The following DIPK2A variants were observed in gnomAD, a reference collection of about 807,000 sequenced individuals.
DIPK2A encodes the protein Golgi Protein of 49 kDa.
DIPK2A carries 27 observed loss-of-function variants against 39.0 expected under a neutral mutation model. That is an observed-to-expected ratio of 0.69 (90% CI 0.51 to 0.96). The LOEUF is 0.96. Among genes scored for constraint, DIPK2A ranks in the 40% least tolerant of loss-of-function variants. The pLI is 0.00. For missense variants in DIPK2A, 528 were observed against 571.3 expected, an observed-to-expected ratio of 0.92 and a Z score of 0.77; for synonymous variants, 298 against 240.8, an observed-to-expected ratio of 1.24 and a Z score of -2.20.
chr3:143,975,530 A>G (rs899797864), intron 1 of DIPK2A, among the ~76,000 whole-genome samples: 1 of 152,110 alleles, frequency 6.6e-6, no homozygotes, highest in Non-Finnish European at 1.5e-5. Context: ...GCTGTACAGT[A>G]AGTCAAACCA....
Position 143,972,433 on chromosome 3 carries a change from C to G in DIPK2A, c.101C>G (p.Ser34Trp), listed in dbSNP as rs1241525570. ...LLVLMVLHSPSLLASWQRNEL... is the reference protein window; with the variant it reads ...LLVLMVLHSPWLLASWQRNEL... ...GTGCTGATGGTGCTGCACTCGCCGT[C>G]GCTGCTCGCCTCTTGGCAGCGCAAC... The change falls in exon 1 of 3, where the codon TCG (serine) becomes TGG (tryptophan). Residue 34 changes from serine to tryptophan, a missense_variant. This residue lies in a region of DIPK2A where 309 missense variants were observed against 289.8 expected (regional missense o/e 1.07). Transcript: ENST00000315691. 3.8e-6 allele frequency: 6 copies of G among 1,577,510 alleles called. No individual in the cohort carries two copies. In the South Asian group the frequency reaches 5.8e-5, roughly 15 times the overall value.
Position 143,972,401 on chromosome 3 carries a change from C to T in DIPK2A, c.69C>T (p.Ser23=). The change falls in exon 1 of 3, where the codon AGC becomes AGT. Residue 23 remains serine, a synonymous_variant. Transcript: ENST00000315691. The stretch of plus-strand genomic sequence containing the variant: ...CGCTGAAGCTGGCGGCGCTGGGCAG[C>T]CTGTTGGTGCTGATGGTGCTGCACT... The part of the protein sequence containing the change: ...SRSLKLAALG[S]LLVLMVLHSP... The T allele has an allele frequency of 2.7e-6, 4 of 1,477,128 alleles. No individual in the cohort carries two copies. The highest frequency in any genetic ancestry group is 3.6e-6 in the Non-Finnish European group (4 of 1,110,804). 91.5% of individuals were successfully genotyped at this position (1,477,128 alleles called of 1,614,324 possible).
chr3:143,988,358 TCAA>T (rs776708199), intron 2 of DIPK2A, among the ~76,000 whole-genome samples: 6 of 152,100 alleles, frequency 3.9e-5, no homozygotes, highest in Non-Finnish European at 5.9e-5. Context: ...CCTTGGCCTC[TCAA>T]AGTGCTGGGA....
chr3:143,989,663 C>T lies in DIPK2A; in HGVS notation c.1115C>T (p.Ala372Val), dbSNP rs1274652022. 4.3e-6 allele frequency: 7 copies of T among 1,614,090 alleles called. No homozygotes were observed. The highest frequency in any genetic ancestry group is 5.9e-6 in the Non-Finnish European group (7 of 1,180,046). The change falls in exon 3 of 3, where the codon GCC (alanine) becomes GTC (valine). Residue 372 changes from alanine (A) to valine (V), a missense_variant. This residue lies in a region of DIPK2A where 219 missense variants were observed against 281.5 expected (regional missense o/e 0.78). Coordinates refer to ENST00000315691, the MANE Select transcript of DIPK2A (RefSeq NM_173552.5). ...TGTCAGAACCTCTTATCCAGACATG[C>T]CACCTGGCGTGGCACTTCTGGAGGA... ...AVCQNLLSRH[A>V]TWRGTSGGLL...
Position 143,972,404 on chromosome 3 carries a change from G to T in DIPK2A, c.72G>T (p.Leu24=). 1 of 1,500,068 alleles carries T rather than the reference G, an allele frequency of 6.7e-7. No homozygotes were observed. Among genetic ancestry groups the T allele is most frequent in the Admixed American group, 2.1e-5 (1 of 46,720 alleles). 92.9% of individuals were successfully genotyped at this position (1,500,068 alleles called of 1,614,324 possible). A position where few individuals can be genotyped will look rare whatever the true frequency, so the allele number is the denominator to read the frequency against. Residue 24 remains leucine (L), a synonymous_variant, in exon 1 of 3, where the codon CTG becomes CTT. Coordinates refer to ENST00000315691, the MANE Select transcript of DIPK2A (RefSeq NM_173552.5). The stretch of plus-strand genomic sequence containing the variant: ...TGAAGCTGGCGGCGCTGGGCAGCCT[G>T]TTGGTGCTGATGGTGCTGCACTCGC... ...RSLKLAALGS[L]LVLMVLHSPS...
rs750291243 is a variant in DIPK2A at position 143,973,561 on chromosome 3, G to A, written c.657+572G>A. On this transcript the variant is annotated intron_variant, in intron 1 of 2. Transcript: ENST00000315691. Reference sequence around the variant, plus strand: ...AAGTCGGAGAACGGGACAGTGGTCGGGGTGGGTTTAATCTGTGAGCCGAGC... The same window carrying A: ...AAGTCGGAGAACGGGACAGTGGTCGAGGTGGGTTTAATCTGTGAGCCGAGC... The A allele has an allele frequency of 2.6e-6, 4 of 1,547,860 alleles. No individual in the cohort carries two copies. The African/African-American group carries it at 4.1e-5, about 16-fold the overall frequency.
At position 143,979,185 on chromosome 3, in the gene DIPK2A, T is replaced by C. The variant is rs549750076; in HGVS notation, c.657+6196T>C. 3.8e-4 allele frequency among the ~76,000 whole-genome samples: 58 copies of C among 152,274 alleles called. 2 individuals carry two copies. The highest frequency in any genetic ancestry group is 1.3e-4 in the Non-Finnish European group (9 of 67,992). On this transcript the variant is annotated intron_variant, in intron 1 of 2. Transcript: ENST00000315691. The stretch of plus-strand genomic sequence containing the variant: ...ATTCAAATGTCACTGTCCTTACATA[T>C]ACGTAAATCATATGTACCTATTCAG...
rs146612545 is a variant in DIPK2A at position 143,977,572 on chromosome 3, A to C, written c.657+4583A>C. Among the ~76,000 whole-genome samples the C allele has an allele frequency of 5.6e-3, 849 of 152,198 alleles. 3 individuals are homozygous for C. The highest frequency in any genetic ancestry group is 8.8e-3 in the Non-Finnish European group (595 of 67,950). On this transcript the variant is annotated intron_variant, in intron 1 of 2. Coordinates refer to ENST00000315691, the MANE Select transcript of DIPK2A (RefSeq NM_173552.5). ...ACGATGTTCCAGACTTTGTTTCAGG[A>C]GTTTCTTTTCAAACAACAGTTTAAG...
intron 2 of DIPK2A, among the ~76,000 whole-genome samples, chr3:143,988,505 C>G (rs182538661): frequency 2.0e-5 from 3 of 152,168 alleles, no homozygotes; most frequent in Admixed American, 2.0e-4. Context: ...TGAATCGGCC[C>G]ACTTCTGGGC....
intron 1 of DIPK2A, among the ~76,000 whole-genome samples, chr3:143,979,846 A>G (rs747171583): frequency 6.6e-6 from 1 of 152,168 alleles, no homozygotes; most frequent in Non-Finnish European, 1.5e-5. Flanking sequence ...ACACAACCTT[A>G]CTATTTTCAA....
intron 1 of DIPK2A, among the ~76,000 whole-genome samples, chr3:143,973,870 G>C (rs557459746): frequency 6.6e-6 from 1 of 152,174 alleles, no homozygotes; most frequent in African/African-American, 2.4e-5. Flanking sequence ...ATCAAAAAGA[G>C]AACAAAAAAC....
chr3:143,985,881 T>C (rs1262870582), intron 2 of DIPK2A, 35 bp downstream of exon 2: 2 of 1,511,326 alleles, frequency 1.3e-6, no homozygotes, highest in Admixed American at 3.9e-5. Context: ...TTCTACTCAT[T>C]TTTTCCTATG....
chr3:143,980,924 T>G (rs1349788515), intron 1 of DIPK2A, among the ~76,000 whole-genome samples: 1 of 152,196 alleles, frequency 6.6e-6, no homozygotes, highest in Non-Finnish European at 1.5e-5. Context: ...GTATACAATA[T>G]TTTTGGTCAT....
intron 1 of DIPK2A, 39 bp from the exon 2 acceptor site, chr3:143,985,504 A>T (rs773607558): frequency 2.4e-5 from 37 of 1,551,458 alleles, no homozygotes; most frequent in Non-Finnish European, 3.3e-5. Context: ...GGATATTTTC[A>T]TCAGAATCTC....
intron 1 of DIPK2A, among the ~76,000 whole-genome samples, chr3:143,982,733 A>G (rs1361449019): frequency 2.0e-5 from 3 of 152,220 alleles, no homozygotes; most frequent in Admixed American, 6.5e-5. Flanking sequence ...GACAGGATCA[A>G]ATTCACACAT....
In DIPK2A at chr3:143,991,810, T is replaced by C. The variant is rs545348386; in HGVS notation, c.*1969T>C. 1.3e-5 allele frequency: 2 copies of C among 152,336 alleles called. No individual in the cohort carries two copies. Among genetic ancestry groups the C allele is most frequent in the South Asian group, 4.1e-4 (2 of 4,830 alleles). The allele number at this position is 152,336 out of a possible 1,614,324, so 9.4% of individuals were successfully genotyped here. A position where few individuals can be genotyped will look rare whatever the true frequency, so the allele number is the denominator to read the frequency against. On this transcript the variant is annotated 3_prime_UTR_variant, in exon 3 of 3. Coordinates refer to ENST00000315691, the MANE Select transcript of DIPK2A (RefSeq NM_173552.5). ...TTTTCAAGAGGGAGCACCTTTTATA[T>C]TTGATAAGTTTTCATTATAAACCTT...
At chr3:143,979,395 G>T (rs1576808500) in intron 1 of DIPK2A, among the ~76,000 whole-genome samples, 1 of 152,230 alleles carries the variant, frequency 6.6e-6, no homozygotes, top group East Asian at 1.9e-4. Flanking sequence ...TTAGTACATT[G>T]GTAAATGGTA....
Position 143,973,004 on chromosome 3 carries a change from A to G in DIPK2A, c.657+15A>G, listed in dbSNP as rs756026936. On this transcript the variant is annotated intron_variant, in intron 1 of 2. Coordinates refer to ENST00000315691, the MANE Select transcript of DIPK2A (RefSeq NM_173552.5). ...TGGTGCTACAGGTAGGCGCGGAGCC[A>G]GGGCAGGGGGCGTCCTGGGAGGGGC... 6.4e-6 allele frequency: 10 copies of G among 1,568,436 alleles called. No individual in the cohort carries two copies. The highest frequency in any genetic ancestry group is 4.6e-5 in the South Asian group (4 of 86,746).
At chr3:143,978,001 T>G (rs1052437747) in intron 1 of DIPK2A, among the ~76,000 whole-genome samples, 16 of 152,110 alleles carry the variant, frequency 1.1e-4, no homozygotes, top group African/African-American at 3.9e-4. Flanking sequence ...TTTTGTCTAG[T>G]CTTTGAACTA....
Sources: allele counts gnomAD v4.1 joint callset (sites outside exome capture counted in the v4.1 genomes callset), GRCh38; gene constraint gnomAD v4.1.1; regional missense constraint gnomAD v4.1.1; transcripts MANE v1.5; gene names NCBI Gene and HGNC (gene_info 2026-07-23, HGNC 2026-07-21).